ADAMTSL1: variants seen among roughly 807,000 people sequenced by gnomAD.
ADAMTSL1 encodes ADAMTS-like protein 1.
Under a neutral mutation model 201.8 loss-of-function variants are expected in ADAMTSL1, and 126 were observed. That is an observed-to-expected ratio of 0.62 (90% confidence interval 0.54 to 0.72). ADAMTSL1 has a LOEUF of 0.72. ADAMTSL1 is among the 30% of genes least tolerant of loss of function. ADAMTSL1 has a pLI of 0.00. For missense variants in ADAMTSL1, 2,679 were observed against 2,277.8 expected (o/e 1.18, Z -3.59); for synonymous variants, 1,121 against 903.4 (o/e 1.24, Z -4.32).
At chr9:18,493,971 A>C (rs754959608) in intron 1 of ADAMTSL1, among the ~76,000 whole-genome samples, 2 of 152,218 alleles carry the variant, frequency 1.3e-5, no homozygotes, top group African/African-American at 2.4e-5. Flanking sequence ...CACACAGTCC[A>C]CTTCTGGGGA....
chr9:17,982,929 A>G (rs1265210088), intron 1 of ADAMTSL1, among the ~76,000 whole-genome samples: 1 of 151,750 alleles, frequency 6.6e-6, no homozygotes, highest in Non-Finnish European at 1.5e-5. Flanking sequence ...GCATATTACC[A>G]TTATATGAAC....
At chr9:18,787,072 C>T (rs1821751455) in intron 19 of ADAMTSL1, among the ~76,000 whole-genome samples, 1 of 152,104 alleles carries the variant, frequency 6.6e-6, no homozygotes, top group Non-Finnish European at 1.5e-5. Context: ...AAGTCATAAG[C>T]ACATGAAATG....
chr9:18,744,688 G>A (rs1474131128), intron 15 of ADAMTSL1, among the ~76,000 whole-genome samples: 3 of 152,166 alleles, frequency 2.0e-5, no homozygotes, highest in Non-Finnish European at 2.9e-5. Context: ...AAATATGAGT[G>A]AATTGTTAAG....
At chr9:18,873,997 G>C (rs1242580865) in intron 23 of ADAMTSL1, among the ~76,000 whole-genome samples, 3 of 152,028 alleles carry the variant, frequency 2.0e-5, no homozygotes, top group African/African-American at 7.2e-5. Context: ...TCCTTGTAGA[G>C]GTCTTTCACC....
At position 18,484,907 on chromosome 9, in the gene ADAMTSL1, G is replaced by A. The variant is rs16936783; in HGVS notation, c.63+10612G>A. Among the ~76,000 whole-genome samples, 766 of 152,298 alleles carry A rather than the reference G, an allele frequency of 5.0e-3. 8 individuals are homozygous for A. Among genetic ancestry groups the A allele is most frequent in the African/African-American group, 0.017 (724 of 41,564 alleles). On this transcript the variant is annotated intron_variant, in intron 1 of 28. Transcript: ENST00000380548. ...AGGTAGGTAGGAGTTACGGAAAGTAGAGACAAGTTTCTAATTTTTTGTATT... is the reference window on the plus strand; with the variant it reads ...AGGTAGGTAGGAGTTACGGAAAGTAAAGACAAGTTTCTAATTTTTTGTATT...
intron 19 of ADAMTSL1, among the ~76,000 whole-genome samples, chr9:18,782,307 G>A (rs78874635): frequency 0.014 from 2,154 of 152,224 alleles, 71 homozygotes; most frequent in African/African-American, 0.047. Flanking sequence ...GGTATACATC[G>A]ACTTGCTGGA....
chr9:18,048,042 G>A (rs1236091417), intron 1 of ADAMTSL1, among the ~76,000 whole-genome samples: 2 of 152,158 alleles, frequency 1.3e-5, no homozygotes, highest in African/African-American at 4.8e-5. Flanking sequence ...GCCCCATTTA[G>A]GGACAGGGAG....
chr9:18,071,674 G>A (rs1292421736), intron 1 of ADAMTSL1, among the ~76,000 whole-genome samples: 2 of 152,208 alleles, frequency 1.3e-5, no homozygotes, highest in African/African-American at 4.8e-5. Context: ...AGCCCAGGAA[G>A]GGAGTGTGTC....
At chr9:18,389,407 A>G (rs1026972289) in intron 2 of ADAMTSL1, among the ~76,000 whole-genome samples, 6 of 152,320 alleles carry the variant, frequency 3.9e-5, no homozygotes, top group Non-Finnish European at 7.3e-5. Flanking sequence ...ATATTTCCAG[A>G]ATTGTACCAA....
At chr9:18,503,008 G>C (rs533637924) in intron 1 of ADAMTSL1, among the ~76,000 whole-genome samples, 1 of 151,982 alleles carries the variant, frequency 6.6e-6, no homozygotes, top group African/African-American at 2.4e-5. Flanking sequence ...AAAAATGTAT[G>C]TTTATATTTG....
chr9:18,770,928 G>A, intron 17 of ADAMTSL1, 147 bp downstream of exon 17: 1 of 875,386 alleles, frequency 1.1e-6, no homozygotes, highest in Non-Finnish European at 1.7e-6. Context: ...ATACCGTAGT[G>A]TGTAACTAGC....
intron 1 of ADAMTSL1, among the ~76,000 whole-genome samples, chr9:18,086,044 T>C (rs10963439): frequency 0.037 from 5,616 of 152,224 alleles, 378 homozygotes; most frequent in East Asian, 0.34. Flanking sequence ...GCAGGCCTTT[T>C]GCCCTCAGCA....
chr9:18,409,082 A>G (rs1299650361), intron 2 of ADAMTSL1, among the ~76,000 whole-genome samples: 2 of 152,082 alleles, frequency 1.3e-5, no homozygotes, highest in African/African-American at 2.4e-5. Flanking sequence ...CTATTTTTCA[A>G]ATCGGAAGAC....
chr9:18,046,208 C>A (rs73645703), intron 1 of ADAMTSL1, among the ~76,000 whole-genome samples: 13,309 of 152,132 alleles, frequency 0.087, 653 homozygotes, highest in South Asian at 0.15. Flanking sequence ...GGCTTGAGTG[C>A]TGTAATGCAG....
In ADAMTSL1 at chr9:18,829,993, G is replaced by A. The variant is rs374723427; in HGVS notation, c.4249+16G>A. On this transcript the variant is annotated intron_variant, in intron 23 of 28. Transcript: ENST00000380548. ...GCTCTCCTTGGTGAGTCTAACCCTCGGAAACATTGGGCAGAAAGCCAGGAC... is the reference window on the plus strand; with the variant it reads ...GCTCTCCTTGGTGAGTCTAACCCTCAGAAACATTGGGCAGAAAGCCAGGAC... The A allele has an allele frequency of 2.6e-5, 41 of 1,593,762 alleles. No individual in the cohort carries two copies. Among genetic ancestry groups the A allele is most frequent in the Admixed American group, 1.2e-4 (7 of 56,498 alleles).
At chr9:18,804,941 T>C (rs1380616494) in intron 20 of ADAMTSL1, among the ~76,000 whole-genome samples, 1 of 152,252 alleles carries the variant, frequency 6.6e-6, no homozygotes, top group Non-Finnish European at 1.5e-5. Context: ...GTTAAATTTA[T>C]AATACTTCAT....
intron 2 of ADAMTSL1, among the ~76,000 whole-genome samples, chr9:18,179,537 T>C (rs1425301213): frequency 2.0e-5 from 3 of 152,058 alleles, no homozygotes; most frequent in African/African-American, 7.2e-5. Flanking sequence ...ACCACAAAGA[T>C]ACTCCTCGAG....
rs369180061 is a variant in ADAMTSL1 at position 18,029,433 on chromosome 9, C to T, written c.87+122511C>T. Among the ~76,000 whole-genome samples the T allele has an allele frequency of 1.5e-3, 224 of 152,246 alleles. 6 individuals are homozygous for T. In the South Asian group the frequency reaches 0.046, roughly 31 times the overall value. On this transcript the variant is annotated intron_variant, in intron 1 of 29. Transcript: ENST00000680146. ...AAAGACTTACATGTTACACCTAAAA[C>T]CATAAAAACCCTAGAAGAAAACCTA...
intron 2 of ADAMTSL1, among the ~76,000 whole-genome samples, chr9:18,387,625 T>C (rs989097065): frequency 2.0e-5 from 3 of 152,082 alleles, no homozygotes; most frequent in Admixed American, 2.0e-4. Context: ...ACACACATAG[T>C]TCTAGTTTAT....
Sources: gnomAD v4.1 joint callset for allele counts (sites outside exome capture counted in the v4.1 genomes callset) on GRCh38, gnomAD v4.1.1 for gene constraint, MANE v1.5 for transcripts, NCBI Gene and HGNC (gene_info 2026-07-23, HGNC 2026-07-21) for gene names.